The following BTBD3 variants were observed in gnomAD, a reference collection of about 807,000 sequenced individuals.
BTBD3 encodes the protein BTB domain containing 3.
Under a neutral mutation model 41.6 loss-of-function variants are expected in BTBD3, and 14 were observed. That is an observed-to-expected ratio of 0.34 (90% CI 0.22 to 0.53). The LOEUF (loss-of-function observed/expected upper bound fraction) is 0.53. Among genes scored for constraint, BTBD3 ranks in the 20% least tolerant of loss-of-function variants. The pLI is 0.95. For missense variants in BTBD3, 426 were observed against 654.7 expected (o/e 0.65, Z 3.81); for synonymous variants, 249 against 233.7 (o/e 1.07, Z -0.60).
Position 11,918,163 on chromosome 20 carries a change from C to G in BTBD3, c.-113C>G. 7 of 1,483,496 alleles carry G rather than the reference C, an allele frequency of 4.7e-6. No homozygotes were observed. Among genetic ancestry groups the G allele is most frequent in the African/African-American group, 1.4e-5 (1 of 71,436 alleles). The allele number at this position is 1,483,496 out of a possible 1,614,324, so 91.9% of individuals were successfully genotyped here. On this transcript the variant is annotated 5_prime_UTR_variant, in exon 1 of 4. Transcript: ENST00000378226. ...CACCTTGCCTGGCTGAGAAAAGCAG[C>G]AAAATATCAGCTTTGTTGGTTTCAG...
intron 1 of BTBD3, among the ~76,000 whole-genome samples, chr20:11,904,312 G>C (rs1184175251): frequency 2.0e-5 from 3 of 152,112 alleles, no homozygotes; most frequent in African/African-American, 7.2e-5. Flanking sequence ...AAGCAAAGGG[G>C]CAAGTGTTAT....
At chr20:11,919,429 G>A (rs2056946375) in intron 2 of BTBD3, 1 of 1,408,318 alleles carries the variant, frequency 7.1e-7, no homozygotes, top group African/African-American at 1.4e-5. Flanking sequence ...GACAGGTCAG[G>A]AAAGTCGTAT....
chr20:11,919,500 G>C (rs1281466529), intron 2 of BTBD3: 1 of 1,253,864 alleles, frequency 8.0e-7, no homozygotes, highest in African/African-American at 1.5e-5. Flanking sequence ...TAGTAATGAG[G>C]GGACATGTGC....
At chr20:11,904,074 A>G (rs986823129) in intron 1 of BTBD3, among the ~76,000 whole-genome samples, 2 of 152,208 alleles carry the variant, frequency 1.3e-5, no homozygotes, top group Admixed American at 1.3e-4. Context: ...GATCTTGTAT[A>G]TAGTTCATTA....
chr20:11,912,050 T>G (rs991336123), intron 1 of BTBD3, among the ~76,000 whole-genome samples: 2 of 152,064 alleles, frequency 1.3e-5, no homozygotes, highest in Non-Finnish European at 2.9e-5. Context: ...AAATCTAAAG[T>G]ACAATTCAAG....
intron 1 of BTBD3, among the ~76,000 whole-genome samples, chr20:11,911,911 G>GT (rs1225819029): frequency 1.3e-5 from 2 of 152,162 alleles, no homozygotes; most frequent in Non-Finnish European, 2.9e-5. Context: ...CAGTGTGTAT[G>GT]TAAGAGCTAT....
chr20:11,911,710 G>A (rs546634084), intron 1 of BTBD3, among the ~76,000 whole-genome samples: 1 of 152,124 alleles, frequency 6.6e-6, no homozygotes, highest in Admixed American at 6.6e-5. Context: ...CTTAGCAATT[G>A]GTTGCCTTTT....
At chr20:11,890,932 C>G (rs1269140584) in exon 1 of BTBD3, 1 of 984,580 alleles carries the variant, frequency 1.0e-6, no homozygotes, top group Non-Finnish European at 1.2e-6. Flanking sequence ...CTGCGTCGCC[C>G]GAGGCGAGGA....
At chr20:11,900,206 A>T (rs1349107496) in intron 1 of BTBD3, among the ~76,000 whole-genome samples, 1 of 152,176 alleles carries the variant, frequency 6.6e-6, no homozygotes, top group African/African-American at 2.4e-5. Context: ...CTCTGATTAG[A>T]TCTACTTTTT....
At chr20:11,894,700 T>C (rs1228269472) in intron 1 of BTBD3, among the ~76,000 whole-genome samples, 1 of 151,944 alleles carries the variant, frequency 6.6e-6, no homozygotes, top group Non-Finnish European at 1.5e-5. Context: ...TTTCAACCAA[T>C]AAAATATTTT....
chr20:11,892,012 G>T (rs1600222918), intron 1 of BTBD3, among the ~76,000 whole-genome samples: 1 of 152,106 alleles, frequency 6.6e-6, no homozygotes, highest in Admixed American at 6.5e-5. Context: ...AGCCGAGTTT[G>T]GAAACACTGG....
chr20:11,920,516 T>TA (rs891387867), intron 3 of BTBD3, among the ~76,000 whole-genome samples: 7 of 152,204 alleles, frequency 4.6e-5, no homozygotes, highest in Non-Finnish European at 2.9e-5. Flanking sequence ...TATATATTTA[T>TA]AAAAAAGATA....
Position 11,922,926 on chromosome 20 carries a change from A to G in BTBD3, c.829A>G (p.Thr277Ala), listed in dbSNP as rs752114393. 6.2e-7 allele frequency: 1 copy of G among 1,614,138 alleles called. No homozygotes were observed. The highest frequency in any genetic ancestry group is 1.7e-5 in the Admixed American group (1 of 60,014). ...ACTAGAAAGTATTCTCCGTAGGGAAACTCTGAATGCCAAAGAAATTGTGGT... is the reference window on the plus strand; with the variant it reads ...ACTAGAAAGTATTCTCCGTAGGGAAGCTCTGAATGCCAAAGAAATTGTGGT... The part of the protein sequence containing the change: ...QTLESILRRE[T>A]LNAKEIVVFE... Residue 277 changes from threonine (T) to alanine (A), a missense_variant, in exon 4 of 4, where the codon ACT (threonine) becomes GCT (alanine). Thr to Ala is a moderately conservative substitution (Grantham distance 58). Around this residue, in one of 3 missense-constraint regions of BTBD3, gnomAD observed 321 missense variants for 534.8 expected, o/e 0.60. Coordinates refer to ENST00000378226, the MANE Select transcript of BTBD3 (RefSeq NM_014962.4).
intron 3 of BTBD3, among the ~76,000 whole-genome samples, chr20:11,920,307 G>A (rs1178779702): frequency 6.6e-6 from 1 of 152,136 alleles, no homozygotes; most frequent in African/African-American, 2.4e-5. Flanking sequence ...CTTACCATCT[G>A]TTGAAATAAT....
rs749413025 is a variant in BTBD3 at position 11,919,826 on chromosome 20, G to T, written c.526G>T (p.Ala176Ser). ...AGATGTCGAACCTGCTGCTTTTCTC[G>T]CTATGCTGAAGTAAGCATCATTCGT... ...IPDVEPAAFL[A>S]MLKYIYCDEI... is the part of the protein sequence containing the mutation. Residue 176 changes from alanine (A) to serine (S), a missense_variant, in exon 3 of 4, where the codon GCT becomes TCT. Around this residue, in one of 3 missense-constraint regions of BTBD3, gnomAD observed 321 missense variants for 534.8 expected, o/e 0.60. Coordinates refer to ENST00000378226, the MANE Select transcript of BTBD3 (RefSeq NM_014962.4). 1.2e-6 allele frequency: 2 copies of T among 1,613,376 alleles called. No individual in the cohort carries two copies. The highest frequency in any genetic ancestry group is 3.3e-5 in the Admixed American group (2 of 59,988).
chr20:11,918,746 C>CT, intron 1 of BTBD3, 145 bp downstream of exon 1: 1 of 915,700 alleles, frequency 1.1e-6, no homozygotes, highest in Non-Finnish European at 1.6e-6. Flanking sequence ...TGCCTTGTAT[C>CT]TTTTCCAAAA....
chr20:11,912,030 C>A (rs1251913521), intron 1 of BTBD3, among the ~76,000 whole-genome samples: 1 of 152,152 alleles, frequency 6.6e-6, no homozygotes, highest in Non-Finnish European at 1.5e-5. Flanking sequence ...CCCCACCCCC[C>A]GCTCACCCCA....
rs1380615402 is a variant in BTBD3 at position 11,921,991 on chromosome 20, A to G, written c.537-643A>G. ...TTCCTACTTTGTCTTTTAATTAAAT[A>G]TATCTGGAAATAATGTAATCTTGAA... On this transcript the variant is annotated intron_variant, in intron 3 of 3. Transcript: ENST00000378226. Among the ~76,000 whole-genome samples, 6 of 152,230 alleles carry G rather than the reference A, an allele frequency of 3.9e-5. No homozygotes were observed. In the South Asian group the frequency reaches 6.2e-4, roughly 16 times the overall value.
At chr20:11,897,405 G>A (rs567159926) in intron 1 of BTBD3, among the ~76,000 whole-genome samples, 2 of 140,854 alleles carry the variant, frequency 1.4e-5, no homozygotes, top group Non-Finnish European at 3.0e-5. Context: ...AAAAGTAATT[G>A]TGGTTTTTTG....
Sources: allele counts gnomAD v4.1 joint callset (sites outside exome capture counted in the v4.1 genomes callset), GRCh38; gene constraint gnomAD v4.1.1; regional missense constraint gnomAD v4.1.1; transcripts MANE v1.5; gene names NCBI Gene and HGNC (gene_info 2026-07-23, HGNC 2026-07-21).